Variants in CCSER1 observed in about 807,000 individuals in gnomAD.
CCSER1 encodes coiled-coil serine rich protein 1, also known as serine-rich coiled-coil domain-containing protein 1.
CCSER1 carries 41 observed loss-of-function variants against 82.0 expected under a neutral mutation model. That is an observed-to-expected ratio of 0.50 (90% CI 0.39 to 0.65). The LOEUF is 0.65. Among genes scored for constraint, CCSER1 ranks in the 30% least tolerant of loss-of-function variants. CCSER1 has a pLI of 0.00. For synonymous variants in CCSER1, 414 were observed against 383.9 expected (o/e 1.08, Z -0.92); for missense variants, 1,119 against 1,064.2 (o/e 1.05, Z -0.72).
At chr4:91,464,249 A>C (rs1031724705) in intron 10 of CCSER1, among the ~76,000 whole-genome samples, 15 of 152,308 alleles carry the variant, frequency 9.8e-5, no homozygotes, top group African/African-American at 3.6e-4. Flanking sequence ...TATCCAGCCA[A>C]ACTAAGCTTC....
chr4:91,592,401 C>A (rs1039096757), intron 10 of CCSER1, among the ~76,000 whole-genome samples: 1 of 152,076 alleles, frequency 6.6e-6, no homozygotes, highest in Admixed American at 6.6e-5. Flanking sequence ...GGGACACAGA[C>A]AAACCATATC....
chr4:91,581,429 A>G (rs1370553522), intron 10 of CCSER1, among the ~76,000 whole-genome samples: 1 of 151,716 alleles, frequency 6.6e-6, no homozygotes, highest in Non-Finnish European at 1.5e-5. Flanking sequence ...CTTCAGGTGC[A>G]GCCCAAAATC....
intron 8 of CCSER1, among the ~76,000 whole-genome samples, chr4:90,842,643 G>A (rs1000604937): frequency 2.0e-5 from 3 of 152,140 alleles, no homozygotes; most frequent in African/African-American, 7.2e-5. Context: ...AGAAAATGAA[G>A]CAGGAAATAG....
At chr4:91,017,591 A>C (rs1210679685) in intron 9 of CCSER1, among the ~76,000 whole-genome samples, 1 of 152,094 alleles carries the variant, frequency 6.6e-6, no homozygotes, top group East Asian at 1.9e-4. Context: ...TATAGTATCC[A>C]GGTTGCCTTA....
intron 1 of CCSER1, among the ~76,000 whole-genome samples, chr4:90,254,682 T>C (rs964502035): frequency 2.0e-5 from 3 of 152,134 alleles, no homozygotes; most frequent in African/African-American, 7.2e-5. Flanking sequence ...TGTTCTTGTC[T>C]GTACATGCCG....
At chr4:90,400,201 C>A in intron 4 of CCSER1, 72 bp downstream of exon 4, 1 of 758,238 alleles carries the variant, frequency 1.3e-6, no homozygotes, top group Non-Finnish European at 2.2e-6. Flanking sequence ...ATAGCCTAAA[C>A]ACTGTTAAGG....
Position 91,172,001 on chromosome 4 carries a change from T to TA in CCSER1, c.2217+86015dup, listed in dbSNP as rs944831961. 6.6e-5 allele frequency among the ~76,000 whole-genome samples: 10 copies of TA among 151,952 alleles called. No homozygotes were observed. The East Asian group carries it at 9.7e-4, about 15-fold the overall frequency. The stretch of plus-strand genomic sequence containing the variant: ...ATATTCTGATCTTCTTTATATTCAA[T>TA]AAAAAAAATCCTATTATTCAATAAC... On this transcript the variant is annotated intron_variant, in intron 10 of 10. Transcript: ENST00000509176.
intron 5 of CCSER1, among the ~76,000 whole-genome samples, chr4:90,483,177 C>T (rs566772287): frequency 1.7e-4 from 26 of 152,042 alleles, no homozygotes; most frequent in South Asian, 6.2e-4. Flanking sequence ...CTGTTTTATC[C>T]GAGACTAGGA....
At chr4:91,370,554 G>C (rs895257982) in intron 10 of CCSER1, among the ~76,000 whole-genome samples, 5 of 151,918 alleles carry the variant, frequency 3.3e-5, no homozygotes, top group Non-Finnish European at 7.4e-5. Context: ...AATTAGCCAG[G>C]CGTGGTAGCA....
At chr4:91,288,165 T>TAC (rs933143179) in intron 10 of CCSER1, among the ~76,000 whole-genome samples, 1 of 121,790 alleles carries the variant, frequency 8.2e-6, no homozygotes, top group Admixed American at 8.2e-5. Flanking sequence ...TATATATACA[T>TAC]ACACACACAC....
intron 4 of CCSER1, among the ~76,000 whole-genome samples, chr4:90,427,452 ATAT>A (rs978334453): frequency 5.9e-5 from 9 of 151,284 alleles, no homozygotes; most frequent in Admixed American, 1.3e-4. Context: ...AAATTAATAA[ATAT>A]TATAAATATA....
chr4:90,355,110 T>G (rs2153514823), intron 3 of CCSER1, among the ~76,000 whole-genome samples: 1 of 152,154 alleles, frequency 6.6e-6, no homozygotes, highest in African/African-American at 2.4e-5. Flanking sequence ...GACTGAAGAC[T>G]TCTGGATAAG....
At chr4:91,180,120 C>T (rs763249092) in intron 10 of CCSER1, among the ~76,000 whole-genome samples, 1 of 152,206 alleles carries the variant, frequency 6.6e-6, no homozygotes, top group Non-Finnish European at 1.5e-5. Flanking sequence ...GCCTGCAGAA[C>T]AGCGAATATT....
At chr4:91,020,252 G>A (rs1455149079) in intron 9 of CCSER1, among the ~76,000 whole-genome samples, 2 of 152,130 alleles carry the variant, frequency 1.3e-5, no homozygotes, top group Non-Finnish European at 2.9e-5. Flanking sequence ...TGTTGCTACA[G>A]ACCCACATCC....
intron 10 of CCSER1, among the ~76,000 whole-genome samples, chr4:91,278,764 CCTT>C (rs769200990): frequency 4.6e-5 from 7 of 151,702 alleles, no homozygotes; most frequent in Non-Finnish European, 1.0e-4. Flanking sequence ...ATTTATTTCT[CCTT>C]CTTATTGTTT....
chr4:91,298,657 G>GA (rs928189452), intron 10 of CCSER1, among the ~76,000 whole-genome samples: 4 of 151,798 alleles, frequency 2.6e-5, no homozygotes, highest in Admixed American at 6.6e-5. Flanking sequence ...AATATCATAG[G>GA]AAAAAAACCT....
chr4:90,561,809 A>G (rs977501453), intron 5 of CCSER1, among the ~76,000 whole-genome samples: 30 of 152,330 alleles, frequency 2.0e-4, no homozygotes, highest in African/African-American at 6.3e-4. Context: ...AGCTCATTAC[A>G]TAACTATTTT....
intron 9 of CCSER1, among the ~76,000 whole-genome samples, chr4:90,947,918 G>C (rs907799931): frequency 6.6e-6 from 1 of 151,958 alleles, no homozygotes; most frequent in Non-Finnish European, 1.5e-5. Context: ...CTAACTTAAT[G>C]GTAAACCTTC....
At chr4:90,476,035 T>TGG (rs1765044137) in intron 5 of CCSER1, among the ~76,000 whole-genome samples, 1 of 148,366 alleles carries the variant, frequency 6.7e-6, no homozygotes, top group South Asian at 2.1e-4. Context: ...TGTGTGTGTG[T>TGG]GTGTGTGTGT....
Sources: gnomAD v4.1 joint callset for allele counts (sites outside exome capture counted in the v4.1 genomes callset) on GRCh38, gnomAD v4.1.1 for gene constraint, MANE v1.5 for transcripts, NCBI Gene and HGNC (gene_info 2026-07-23, HGNC 2026-07-21) for gene names.